The following FMN1 variants were observed in gnomAD, a reference collection of about 807,000 sequenced individuals.
FMN1 encodes formin-1.
Under a neutral mutation model 132.4 loss-of-function variants are expected in FMN1, and 110 were observed. That is an observed-to-expected ratio of 0.83 (90% CI 0.71 to 0.97). The LOEUF (loss-of-function observed/expected upper bound fraction) is 0.97, where lower values mean the gene tolerates loss of function less well. Among genes scored for constraint, FMN1 ranks in the 50% least tolerant of loss-of-function variants. FMN1 has a pLI of 0.00. For synonymous variants in FMN1, 722 were observed against 651.7 expected (o/e 1.11, Z -1.64); for missense variants, 1,792 against 1,705.3 (o/e 1.05, Z -0.90).
intron 17 of FMN1, among the ~76,000 whole-genome samples, chr15:32,824,171 G>A (rs943340335): frequency 6.6e-5 from 10 of 152,324 alleles, no homozygotes; most frequent in African/African-American, 2.4e-4. Flanking sequence ...CTTTGGTCAC[G>A]TTATTATTAA....
intron 17 of FMN1, among the ~76,000 whole-genome samples, chr15:32,845,350 G>A (rs568177138): frequency 6.6e-6 from 1 of 152,200 alleles, no homozygotes; most frequent in Non-Finnish European, 1.5e-5. Flanking sequence ...AAACTTTGTT[G>A]TTATTGTTGG....
intron 12 of FMN1, among the ~76,000 whole-genome samples, chr15:32,902,556 A>C (rs773950466): frequency 6.6e-6 from 1 of 152,262 alleles, no homozygotes; most frequent in African/African-American, 2.4e-5. Context: ...AATGGTCTAT[A>C]ATGATCACAT....
At chr15:33,162,328 C>T (rs1456071132) in intron 3 of FMN1, among the ~76,000 whole-genome samples, 1 of 151,788 alleles carries the variant, frequency 6.6e-6, no homozygotes, top group Admixed American at 6.6e-5. Context: ...AAACAACCTC[C>T]ACACTGTAGG....
intron 4 of FMN1, among the ~76,000 whole-genome samples, chr15:33,108,059 C>T (rs1258321868): frequency 1.3e-5 from 2 of 151,994 alleles, no homozygotes; most frequent in African/African-American, 4.8e-5. Flanking sequence ...CCAGGTTCAG[C>T]TCCAGTAAGA....
intron 6 of FMN1, among the ~76,000 whole-genome samples, chr15:33,020,308 G>A (rs1054700578): frequency 1.3e-5 from 2 of 152,104 alleles, no homozygotes; most frequent in South Asian, 4.2e-4. Flanking sequence ...AGAACTGACT[G>A]CTTGGGAAAC....
At chr15:33,031,188 C>T (rs148144967) in intron 6 of FMN1, among the ~76,000 whole-genome samples, 15 of 152,282 alleles carry the variant, frequency 9.9e-5, no homozygotes, top group Middle Eastern at 3.4e-3. Context: ...ACCCAGGAAG[C>T]CTAACTCCAG....
intron 9 of FMN1, among the ~76,000 whole-genome samples, chr15:32,959,789 T>C (rs2030294032): frequency 6.6e-6 from 1 of 152,196 alleles, no homozygotes; most frequent in Admixed American, 6.5e-5. Context: ...CAAATATTCA[T>C]TCACCAAAAC....
At chr15:32,975,643 T>A (rs144384890) in intron 7 of FMN1, among the ~76,000 whole-genome samples, 91 of 152,292 alleles carry the variant, frequency 6.0e-4, no homozygotes, top group African/African-American at 2.1e-3. Context: ...ATTTTTTTTT[T>A]AATGAAGGTA....
chr15:33,110,694 CATT>C (rs2039667908), intron 4 of FMN1, among the ~76,000 whole-genome samples: 1 of 66,462 alleles, frequency 1.5e-5, no homozygotes, highest in African/African-American at 1.0e-4. Flanking sequence ...AAACACAGAT[CATT>C]AAAGCATTTT....
intron 19 of FMN1, among the ~76,000 whole-genome samples, chr15:32,797,490 A>G (rs2057326795): frequency 6.6e-6 from 1 of 152,234 alleles, no homozygotes; most frequent in Admixed American, 6.5e-5. Flanking sequence ...CTTACTTTAA[A>G]GGGCTAAATA....
chr15:32,869,711 A>C (rs2059471118), intron 16 of FMN1, among the ~76,000 whole-genome samples: 1 of 152,164 alleles, frequency 6.6e-6, no homozygotes, highest in Non-Finnish European at 1.5e-5. Context: ...GCCAGCAATG[A>C]ACAGAGAAGA....
At chr15:32,892,070 T>G (rs1181504690) in intron 15 of FMN1, among the ~76,000 whole-genome samples, 2 of 152,164 alleles carry the variant, frequency 1.3e-5, no homozygotes, top group Non-Finnish European at 2.9e-5. Flanking sequence ...CTGATTGCTC[T>G]GGCTAGGACT....
chr15:33,039,034 G>T (rs2036308231), intron 6 of FMN1, among the ~76,000 whole-genome samples: 1 of 152,222 alleles, frequency 6.6e-6, no homozygotes, highest in African/African-American at 2.4e-5. Context: ...GATTATTTTT[G>T]TTTCCCCACT....
chr15:32,969,277 G>A lies in FMN1; in HGVS notation c.2424C>T (p.Asp808=). The change falls in exon 8 of 21, where the codon GAC becomes GAT. Residue 808 remains aspartate (D), a synonymous_variant. Transcript: ENST00000616417. ...CACAGGGCTTGAGGAAGGTCTCTCT[G>A]TCTGTCTGGACGCACACATTTCTGA... ...KTFRNVCVQT[D]RETFLKPCES... is the part of the protein sequence containing the mutation. 1.9e-6 allele frequency: 3 copies of A among 1,613,848 alleles called. No homozygotes were observed. The Admixed American group carries it at 5.0e-5, about 27-fold the overall frequency.
rs2032379649 is a variant in FMN1, at chr15:32,978,355, T to C, written c.2224-8878A>G. 2.0e-5 allele frequency among the ~76,000 whole-genome samples: 3 copies of C among 152,348 alleles called. No individual in the cohort carries two copies. The South Asian group carries it at 6.2e-4, about 32-fold the overall frequency. ...CATTTTATGAAATAAAAGGCATTAT[T>C]ACTCATCGGGGAACTTCAGTAATAT... On this transcript the variant is annotated intron_variant, in intron 7 of 20. Coordinates refer to ENST00000616417, the MANE Select transcript of FMN1 (RefSeq NM_001277313.2).
intron 16 of FMN1, among the ~76,000 whole-genome samples, chr15:32,868,471 G>T (rs2059443342): frequency 6.6e-6 from 1 of 152,146 alleles, no homozygotes; most frequent in South Asian, 2.1e-4. Flanking sequence ...CACCATCTAT[G>T]TTTGTGTAAG....
chr15:33,170,179 T>C (rs1444025459), intron 3 of FMN1, among the ~76,000 whole-genome samples: 1 of 152,080 alleles, frequency 6.6e-6, no homozygotes, highest in Non-Finnish European at 1.5e-5. Context: ...GGACACCCCC[T>C]TCAATATACA....
At chr15:33,041,159 G>A (rs1566856970) in intron 6 of FMN1, among the ~76,000 whole-genome samples, 1 of 150,624 alleles carries the variant, frequency 6.6e-6, no homozygotes, top group Non-Finnish European at 1.5e-5. Context: ...AAAATCACAT[G>A]AGTCACATGG....
chr15:32,929,765 CTTT>C (rs34841652), intron 9 of FMN1, among the ~76,000 whole-genome samples: 3 of 145,326 alleles, frequency 2.1e-5, no homozygotes, highest in Admixed American at 6.9e-5. Flanking sequence ...ACAAGATTTC[CTTT>C]TTTTTTTTTT....
Sources: gnomAD v4.1 joint callset for allele counts (sites outside exome capture counted in the v4.1 genomes callset) on GRCh38, gnomAD v4.1.1 for gene constraint, MANE v1.5 for transcripts, NCBI Gene and HGNC (gene_info 2026-07-23, HGNC 2026-07-21) for gene names.